MICU1: variants seen among roughly 807,000 people sequenced by gnomAD.
MICU1 encodes calcium uptake protein 1, mitochondrial.
MICU1 carries 45 observed loss-of-function variants against 56.8 expected under a neutral mutation model. The observed-to-expected ratio is 0.79, with a 90% confidence interval of 0.62 to 1.02. MICU1 has a LOEUF of 1.02. Among genes scored for constraint, MICU1 ranks in the 50% least tolerant of loss-of-function variants. The pLI is 0.00. For missense variants in MICU1, 504 were observed against 587.1 expected, an observed-to-expected ratio of 0.86 and a Z score of 1.46; for synonymous variants, 186 against 195.1, an observed-to-expected ratio of 0.95 and a Z score of 0.39.
intron 1 of MICU1, among the ~76,000 whole-genome samples, chr10:72,611,937 C>A (rs1355903452): frequency 2.1e-5 from 3 of 144,936 alleles, no homozygotes; most frequent in African/African-American, 7.7e-5. Flanking sequence ...CAGTGCTACA[C>A]AGTGACTGTG....
chr10:72,383,883 C>G (rs1466552050), intron 10 of MICU1, among the ~76,000 whole-genome samples: 1 of 152,168 alleles, frequency 6.6e-6, no homozygotes, highest in African/African-American at 2.4e-5. Flanking sequence ...ACTGCAACCT[C>G]TGCCTCCTGG....
intron 8 of MICU1, among the ~76,000 whole-genome samples, chr10:72,469,091 A>G (rs1461681391): frequency 6.6e-6 from 1 of 152,190 alleles, no homozygotes; most frequent in Non-Finnish European, 1.5e-5. Context: ...TAAACCTGAC[A>G]GGGTTGTTGA....
chr10:72,418,966 C>T (rs953165891), intron 9 of MICU1, among the ~76,000 whole-genome samples: 14 of 152,156 alleles, frequency 9.2e-5, no homozygotes, highest in Non-Finnish European at 1.6e-4. Context: ...AATTTAACAC[C>T]GCAGATTTTC....
intron 10 of MICU1, among the ~76,000 whole-genome samples, chr10:72,405,568 A>G (rs1171937818): frequency 7.6e-6 from 1 of 130,974 alleles, no homozygotes; most frequent in African/African-American, 2.6e-5. Flanking sequence ...AAACCCGAAA[A>G]GACATTACAA....
At chr10:72,544,042 C>A (rs1432053515) in intron 4 of MICU1, among the ~76,000 whole-genome samples, 10 of 152,160 alleles carry the variant, frequency 6.6e-5, no homozygotes, top group African/African-American at 2.4e-4. Context: ...TAAAGATCAA[C>A]CCCTGACCTA....
chr10:72,616,398 G>C (rs1344048648), intron 1 of MICU1, among the ~76,000 whole-genome samples: 1 of 151,796 alleles, frequency 6.6e-6, no homozygotes, highest in Non-Finnish European at 1.5e-5. Flanking sequence ...ACCCTTAAGA[G>C]ACTCTACACA....
At chr10:72,615,708 C>T (rs1841960217) in intron 1 of MICU1, among the ~76,000 whole-genome samples, 2 of 152,026 alleles carry the variant, frequency 1.3e-5, no homozygotes, top group African/African-American at 4.8e-5. Context: ...TCAGTCTTGG[C>T]CAGGCGCGGT....
intron 5 of MICU1, among the ~76,000 whole-genome samples, chr10:72,530,372 A>ATG (rs1839444649): frequency 6.3e-5 from 9 of 143,956 alleles, no homozygotes; most frequent in African/African-American, 2.0e-4. Flanking sequence ...TAATAATAAT[A>ATG]ATGCCAGAAT....
chr10:72,467,245 G>A (rs1865823123), intron 8 of MICU1, among the ~76,000 whole-genome samples: 1 of 152,102 alleles, frequency 6.6e-6, no homozygotes, highest in South Asian at 2.1e-4. Flanking sequence ...GTACAATGGT[G>A]CAATCTTGGC....
chr10:72,563,168 A>C, intron 2 of MICU1, 105 bp from the exon 3 acceptor site: 1 of 849,524 alleles, frequency 1.2e-6, no homozygotes. Flanking sequence ...GAAATTTGTC[A>C]AATATTCTAC....
At chr10:72,442,450 C>A (rs1361509836) in intron 8 of MICU1, among the ~76,000 whole-genome samples, 1 of 152,038 alleles carries the variant, frequency 6.6e-6, no homozygotes, top group African/African-American at 2.4e-5. Context: ...GGCCAATTTT[C>A]ATAGCGATAA....
chr10:72,416,956 T>A (rs114280038), intron 9 of MICU1, among the ~76,000 whole-genome samples: 155 of 152,318 alleles, frequency 1.0e-3, no homozygotes, highest in African/African-American at 3.5e-3. Flanking sequence ...TTTATATTTG[T>A]TTAAAATCTG....
At chr10:72,371,304 G>A (rs1337957653) in intron 11 of MICU1, among the ~76,000 whole-genome samples, 4 of 146,414 alleles carry the variant, frequency 2.7e-5, no homozygotes, top group Non-Finnish European at 4.5e-5. Flanking sequence ...GGAGAATGGC[G>A]TGAACTTGGG....
At chr10:72,492,335 G>A (rs921194846) in intron 6 of MICU1, among the ~76,000 whole-genome samples, 4 of 152,192 alleles carry the variant, frequency 2.6e-5, no homozygotes, top group South Asian at 2.1e-4. Flanking sequence ...GAAATAATCC[G>A]AGAGATATGA....
At chr10:72,529,944 T>G (rs1589312525) in intron 5 of MICU1, among the ~76,000 whole-genome samples, 1 of 137,240 alleles carries the variant, frequency 7.3e-6, no homozygotes, top group African/African-American at 2.8e-5. Flanking sequence ...TAGGGGAAGG[T>G]GCTTTTTTTT....
At chr10:72,583,333 T>C (rs1233178195) in intron 1 of MICU1, among the ~76,000 whole-genome samples, 3 of 150,210 alleles carry the variant, frequency 2.0e-5, no homozygotes, top group Non-Finnish European at 4.4e-5. Context: ...CAGGCTGGAG[T>C]GCAGTGGTGC....
chr10:72,443,295 G>A (rs1334956581), intron 8 of MICU1, among the ~76,000 whole-genome samples: 4 of 152,002 alleles, frequency 2.6e-5, no homozygotes, highest in Non-Finnish European at 4.4e-5. Context: ...AGTAGGTTGC[G>A]AAAATTTTCT....
intron 7 of MICU1, among the ~76,000 whole-genome samples, chr10:72,476,634 C>T (rs1181336688): frequency 7.2e-5 from 11 of 152,146 alleles, no homozygotes; most frequent in Admixed American, 6.6e-4. Flanking sequence ...CCTATACATA[C>T]AGTTTTTCTG....
chr10:72,441,615 C>T (rs143127374), intron 8 of MICU1, among the ~76,000 whole-genome samples: 217 of 105,346 alleles, frequency 2.1e-3, no homozygotes, highest in Middle Eastern at 8.8e-3. Flanking sequence ...TTTAATTTTT[C>T]TTTTTTTTTT....
Sources: allele counts gnomAD v4.1 joint callset (sites outside exome capture counted in the v4.1 genomes callset), GRCh38; gene constraint gnomAD v4.1.1; transcripts MANE v1.5; gene names NCBI Gene and HGNC (gene_info 2026-07-23, HGNC 2026-07-21).